The following PER1 variants were observed in gnomAD, a reference collection of about 807,000 sequenced individuals.
PER1 encodes period circadian regulator 1, also known as period circadian protein homolog 1.
A neutral mutation model predicts 125.9 loss-of-function variants in PER1; 87 were observed. The ratio of observed to expected loss-of-function variants is 0.69; its 90% confidence interval spans 0.58 to 0.83. The LOEUF is 0.83. Ranked by LOEUF, PER1 falls within the 40% of genes least tolerant of loss-of-function variation. The pLI, the probability that PER1 is intolerant of heterozygous loss-of-function variation, is 0.00. For missense variants in PER1, 1,775 were observed against 1,722.8 expected, an observed-to-expected ratio of 1.03 and a Z score of -0.54; for synonymous variants, 801 against 714.7, an observed-to-expected ratio of 1.12 and a Z score of -1.93.
rs976371464 is a variant in PER1 at position 8,140,651 on chromosome 17, T to G, written c.*417A>C. On this transcript the variant is annotated 3_prime_UTR_variant, in exon 23 of 23. Transcript: ENST00000317276. ...GCAGCTAGGGGCTGGAACCCCCGGG[T>G]CCTGCTTGGGCCTCAGGCTCTCCTC... is the stretch of plus-strand genomic sequence containing the variant. 3 of 246,896 alleles carry G rather than the reference T, an allele frequency of 1.2e-5. No homozygotes were observed. Among genetic ancestry groups the G allele is most frequent in the African/African-American group, 4.4e-5 (2 of 45,748 alleles). 15.3% of individuals were successfully genotyped at this position (246,896 alleles called of 1,614,324 possible). A position where few individuals can be genotyped will look rare whatever the true frequency, so the allele number is the denominator to read the frequency against.
intron 6 of PER1, 39 bp downstream of exon 6, chr17:8,149,423 G>A (rs890034906): frequency 1.2e-6 from 2 of 1,608,068 alleles, no homozygotes; most frequent in Admixed American, 3.3e-5. Flanking sequence ...GAATTTCCTG[G>A]GACTGCTCAT....
At position 8,146,149 on chromosome 17, in the gene PER1, G is replaced by A; in HGVS notation, c.2039-12C>T. The A allele has an allele frequency of 6.3e-7, 1 of 1,576,938 alleles. No individual in the cohort carries two copies. The highest frequency in any genetic ancestry group is 8.6e-7 in the Non-Finnish European group (1 of 1,161,122). ...TGCTGACGGCGGATCTGTGCAGAGA[G>A]ATGGTGCCAGTTACCATCCCCACCC... On this transcript the variant is annotated splice_polypyrimidine_tract_variant and intron_variant, in intron 16 of 22. Transcript: ENST00000317276.
At position 8,150,652 on chromosome 17, in the gene PER1, A is replaced by G. The variant is rs1033907311; in HGVS notation, c.55T>C (p.Ser19Pro). 1.2e-6 allele frequency: 2 copies of G among 1,605,292 alleles called. No individual in the cohort carries two copies. The highest frequency in any genetic ancestry group is 2.7e-5 in the African/African-American group (2 of 74,654). Reference protein sequence around the residue: ...DGGGDPRPGESFCPGGVPSPG... With the variant: ...DGGGDPRPGEPFCPGGVPSPG... ...GATGGGACGCCCCCAGGACAAAATG[A>G]TTCCCCAGGCCTGGGGTCCCCTCCC... Residue 19 changes from serine (S) to proline (P), a missense_variant, in exon 2 of 23, where the codon TCA becomes CCA. Transcript: ENST00000317276.
Position 8,150,640 on chromosome 17 carries a change from C to T in PER1, c.67G>A (p.Gly23Arg), listed in dbSNP as rs747010902. Residue 23 changes from glycine to arginine, a missense_variant, in exon 2 of 23, where the codon GGG (glycine) becomes AGG (arginine). By Grantham distance (125) the Gly-to-Arg change is moderately radical. Transcript: ENST00000317276. The stretch of plus-strand genomic sequence containing the variant: ...GGGGGCCCAGGGGATGGGACGCCCC[C>T]AGGACAAAATGATTCCCCAGGCCTG... ...DPRPGESFCP[G>R]GVPSPGPPQH... 7 of 1,609,666 alleles carry T rather than the reference C, an allele frequency of 4.3e-6. No individual in the cohort carries two copies. In the East Asian group the frequency reaches 1.6e-4, roughly 36 times the overall value.
intron 21 of PER1, 62 bp from the exon 22 acceptor site, chr17:8,142,017 A>C: frequency 6.2e-7 from 1 of 1,600,732 alleles, no homozygotes; most frequent in Non-Finnish European, 8.5e-7. Flanking sequence ...AGGACCCATG[A>C]AGCTGGCATC....
Position 8,140,813 on chromosome 17 carries a change from G to T in PER1, c.*255C>A, listed in dbSNP as rs553236705. 12 of 460,950 alleles carry T rather than the reference G, an allele frequency of 2.6e-5. No homozygotes were observed. Among genetic ancestry groups the T allele is most frequent in the African/African-American group, 1.5e-4 (8 of 52,418 alleles). 28.6% of individuals were successfully genotyped at this position (460,950 alleles called of 1,614,324 possible). A position where few individuals can be genotyped will look rare whatever the true frequency, so the allele number is the denominator to read the frequency against. On this transcript the variant is annotated 3_prime_UTR_variant, in exon 23 of 23. Transcript: ENST00000317276. The stretch of plus-strand genomic sequence containing the variant: ...GCAGCTTGTCAGCAACTTTGTCCAG[G>T]GGAGGGAAGGATTCCTCTCCAAAGG...
chr17:8,150,884 T>G, intron 1 of PER1, 39 bp from the exon 2 acceptor site: 1 of 587,408 alleles, frequency 1.7e-6, no homozygotes, highest in Non-Finnish European at 2.9e-6. Context: ...TGCAGAAAGC[T>G]GGTTTAACTC....
At chr17:8,146,259 G>A (rs1466414566) in intron 16 of PER1, 113 bp downstream of exon 16, 4 of 1,517,692 alleles carry the variant, frequency 2.6e-6, no homozygotes, top group Non-Finnish European at 2.7e-6. Context: ...TGGAGACCAG[G>A]AGGCTGGGGA....
chr17:8,143,327 G>A lies in PER1; in HGVS notation c.3011C>T (p.Pro1004Leu), dbSNP rs757448676. The change falls in exon 19 of 23, where the codon CCT becomes CTT. Residue 1004 changes from proline (P) to leucine (L), a missense_variant. Pro to Leu is a moderately conservative substitution (Grantham distance 98, BLOSUM62 -3). Transcript: ENST00000317276. ...AGGTGGGGGCCCGGCACTGCTCCCA[G>A]GGCCTCCTGCAACAGCAGCCCCCTC... Reference protein sequence around the residue: ...RAEGAAVAGGPGSSAGPPPPS... With the variant: ...RAEGAAVAGGLGSSAGPPPPS... 2.0e-5 allele frequency: 32 copies of A among 1,605,126 alleles called. No individual in the cohort carries two copies. The highest frequency in any genetic ancestry group is 2.6e-5 in the Non-Finnish European group (31 of 1,175,314).
chr17:8,147,591 G>C lies in PER1; in HGVS notation c.1389-13C>G. ...ATTCAGGGGGGCCCTGTAGAGTGAA[G>C]AGTGAATCCAGCCCTGGCCCGGTCC... is the stretch of plus-strand genomic sequence containing the variant. On this transcript the variant is annotated splice_polypyrimidine_tract_variant and intron_variant, in intron 11 of 22. Transcript: ENST00000317276. 6.2e-7 allele frequency: 1 copy of C among 1,613,280 alleles called. No individual in the cohort carries two copies. Among genetic ancestry groups the C allele is most frequent in the Non-Finnish European group, 8.5e-7 (1 of 1,179,474 alleles).
rs767840696 is a variant in PER1 at position 8,150,505 on chromosome 17, G to C, written c.202C>G (p.Arg68Gly). The change falls in exon 2 of 23, where the codon CGG (arginine) becomes GGG (glycine). Residue 68 changes from arginine to glycine, a missense_variant. Arg to Gly is a moderately radical substitution (Grantham distance 125). Coordinates refer to ENST00000317276, the MANE Select transcript of PER1 (RefSeq NM_002616.3). ...NGHESRGASQ[R>G]SSHSSSSGNG... is the part of the protein sequence containing the mutation. ...CCTGAGGAGGAGCTGTGTGAGCTCC[G>C]CTGAGATGCGCCTCTAGACTCATGC... 2 of 1,614,090 alleles carry C rather than the reference G, an allele frequency of 1.2e-6. No individual in the cohort carries two copies. The highest frequency in any genetic ancestry group is 4.5e-5 in the East Asian group (2 of 44,896).
chr17:8,144,318 C>A (rs533186979), intron 18 of PER1: 5 of 411,794 alleles, frequency 1.2e-5, no homozygotes, highest in African/African-American at 2.1e-5. Context: ...AGTCCTGAGT[C>A]CTGCGTCTGC....
At chr17:8,141,442 C>T in intron 22 of PER1, 102 bp from the exon 23 acceptor site, 1 of 1,350,520 alleles carries the variant, frequency 7.4e-7, no homozygotes, top group Non-Finnish European at 1.0e-6. Flanking sequence ...CCGAAATGTA[C>T]TCCCAAGAAG....
intron 2 of PER1, 35 bp downstream of exon 2, chr17:8,150,397 C>T (rs1351561141): frequency 6.4e-7 from 1 of 1,574,794 alleles, no homozygotes; most frequent in African/African-American, 1.4e-5. Flanking sequence ...GCTCACAAGA[C>T]CATTCCTAGA....
intron 20 of PER1, 88 bp downstream of exon 20, chr17:8,142,561 C>T (rs1170377865): frequency 1.9e-6 from 3 of 1,567,994 alleles, no homozygotes; most frequent in Non-Finnish European, 1.7e-6. Flanking sequence ...TCCCAGTGGC[C>T]TTAGGAAGCT....
In PER1 at chr17:8,143,549, G is replaced by A. The variant is rs1052074066; in HGVS notation, c.2789C>T (p.Thr930Ile). The change falls in exon 19 of 23, where the codon ACC becomes ATC. Residue 930 changes from threonine to isoleucine, a missense_variant. Coordinates refer to ENST00000317276, the MANE Select transcript of PER1 (RefSeq NM_002616.3). ...ALVLPNYLFP[T>I]PSSYPYGALQ... ...TGCCCCATAAGGATAGCTGGATGGG[G>A]TTGGGAACAGATAGTTAGGGAGCAC... 1.3e-6 allele frequency: 2 copies of A among 1,496,498 alleles called. No homozygotes were observed. The highest frequency in any genetic ancestry group is 8.9e-7 in the Non-Finnish European group (1 of 1,118,404). 92.7% of individuals were successfully genotyped at this position (1,496,498 alleles called of 1,614,324 possible). A position where few individuals can be genotyped will look rare whatever the true frequency, so the allele number is the denominator to read the frequency against.
chr17:8,142,905 C>T (rs1598246384), intron 19 of PER1, 70 bp from the exon 20 acceptor site: 2 of 1,246,430 alleles, frequency 1.6e-6, no homozygotes, highest in South Asian at 1.4e-5. Context: ...ACTGCTCTTA[C>T]TGGTTGTGGG....
rs372168698 is a variant in PER1 at position 8,147,365 on chromosome 17, C to T, written c.1514G>A (p.Ser505Asn). Reference sequence around the variant, plus strand: ...GCCGACTCCACAGAGTCCCGTGGGGCTGGGGCTGTGGACGGGCTGCAGCAG... The same window carrying T: ...GCCGACTCCACAGAGTCCCGTGGGGTTGGGGCTGTGGACGGGCTGCAGCAG... ...RLLLQPVHSP[S>N]PTGLCGVGAV... Residue 505 changes from serine to asparagine, a missense_variant, in exon 13 of 23, where the codon AGC (serine) becomes AAC (asparagine). Coordinates refer to ENST00000317276, the MANE Select transcript of PER1 (RefSeq NM_002616.3). 8.1e-6 allele frequency: 13 copies of T among 1,613,686 alleles called. No homozygotes were observed. In the African/African-American group the frequency reaches 9.3e-5, roughly 12 times the overall value.
At chr17:8,143,158 T>TC in intron 19 of PER1, 108 bp downstream of exon 19, 1 of 830,044 alleles carries the variant, frequency 1.2e-6, no homozygotes, top group Non-Finnish European at 1.8e-6. Context: ...TCCCTCCACC[T>TC]CCTGGAGGCT....
Sources: gnomAD v4.1 joint callset for allele counts on GRCh38, gnomAD v4.1.1 for gene constraint, MANE v1.5 for transcripts, NCBI Gene and HGNC (gene_info 2026-07-23, HGNC 2026-07-21) for gene names.